Variants in POTEC observed in about 807,000 individuals in gnomAD.
POTEC encodes the protein POTE ankyrin domain family member C, also known as ANKRD26-like family B member 2.
A neutral mutation model predicts 62.0 loss-of-function variants in POTEC; 35 were observed. The observed-to-expected ratio is 0.56, with a 90% CI of 0.43 to 0.75. The LOEUF is 0.75. Ranked by LOEUF, POTEC falls within the 30% of genes least tolerant of loss-of-function variation. The pLI is 0.00. For synonymous variants in POTEC, 156 were observed against 221.5 expected (o/e 0.70, Z 2.62); for missense variants, 472 against 655.9 (o/e 0.72, Z 3.06).
chr18:14,532,727 T>A (rs924862847), intron 5 of POTEC, among the ~76,000 whole-genome samples: 1 of 152,146 alleles, frequency 6.6e-6, no homozygotes, highest in African/African-American at 2.4e-5. Flanking sequence ...AAACTGGACA[T>A]TTCAAGACCC....
chr18:14,529,000 T>C (rs1910510206), intron 6 of POTEC: 1 of 454,364 alleles, frequency 2.2e-6, no homozygotes, highest in Non-Finnish European at 4.4e-6. Context: ...ACACACAATC[T>C]TGTTGCATGT....
intron 9 of POTEC, among the ~76,000 whole-genome samples, chr18:14,514,697 GC>G (rs967489604): frequency 1.6e-5 from 2 of 123,286 alleles, no homozygotes; most frequent in African/African-American, 7.5e-5. Context: ...AAACTGGGAA[GC>G]CCTAAGGCAG....
intron 9 of POTEC, among the ~76,000 whole-genome samples, chr18:14,518,080 A>G (rs1910212710): frequency 6.6e-6 from 1 of 152,240 alleles, no homozygotes. Context: ...AGAATGAACC[A>G]TGTCAAACAT....
rs1905999608 is a variant in POTEC, at chr18:14,542,913, G to A, written c.234C>T (p.Ser78=). The change falls in exon 1 of 11, where the codon AGC becomes AGT. Residue 78 remains serine (S), a synonymous_variant. Coordinates refer to ENST00000358970, the MANE Select transcript of POTEC (RefSeq NM_001137671.2). The part of the protein sequence containing the change: ...CFPCCRGSGT[S]NVGTSGDHDN... The stretch of plus-strand genomic sequence containing the variant: ...CATGGTCTCCAGAAGTGCCCACGTT[G>A]CTCGTGCCGCTCCCCCTGCAGCAGG... 1.6e-6 allele frequency: 2 copies of A among 1,278,346 alleles called. No individual in the cohort carries two copies. Among genetic ancestry groups the A allele is most frequent in the Non-Finnish European group, 2.2e-6 (2 of 928,990 alleles). 79.2% of individuals were successfully genotyped at this position (1,278,346 alleles called of 1,614,324 possible).
intron 9 of POTEC, 22 bp from the exon 10 acceptor site, chr18:14,513,807 A>G: frequency 6.2e-7 from 1 of 1,604,546 alleles, no homozygotes; most frequent in Middle Eastern, 2.3e-4. Context: ...TTTAATTTTC[A>G]TGAAATACTG....
At chr18:14,517,621 A>G (rs1012083040) in intron 9 of POTEC, among the ~76,000 whole-genome samples, 2 of 152,100 alleles carry the variant, frequency 1.3e-5, no homozygotes, top group African/African-American at 2.4e-5. Flanking sequence ...CAGCACTTTG[A>G]AAGGCCGAAG....
rs1160407184 is a variant in POTEC at position 14,507,718 on chromosome 18, G to A, written c.*4180C>T. 6.6e-6 allele frequency: 1 copy of A among 152,150 alleles called. No homozygotes were observed. The highest frequency in any genetic ancestry group is 6.5e-5 in the Admixed American group (1 of 15,290). 9.4% of individuals were successfully genotyped at this position (152,150 alleles called of 1,614,324 possible). On this transcript the variant is annotated 3_prime_UTR_variant, in exon 11 of 11. Transcript: ENST00000358970. Reference sequence around the variant, plus strand: ...TGTGTTTTTGTAGTGGCTGGTGGTGGTCTTTTCTTTCCATATTTAGTGCTT... The same window carrying A: ...TGTGTTTTTGTAGTGGCTGGTGGTGATCTTTTCTTTCCATATTTAGTGCTT...
Position 14,514,468 on chromosome 18 carries a change from T to C in POTEC, c.1410-683A>G, listed in dbSNP as rs563306932. On this transcript the variant is annotated intron_variant, in intron 9 of 10. Coordinates refer to ENST00000358970, the MANE Select transcript of POTEC (RefSeq NM_001137671.2). ...GAAACCCCTGTGTCAACCCAAACTT[T>C]TTATGTTTATTTTTTGGAAACAGTT... 2.0e-5 allele frequency among the ~76,000 whole-genome samples: 3 copies of C among 152,326 alleles called. No individual in the cohort carries two copies. In the South Asian group the frequency reaches 6.2e-4, roughly 32 times the overall value.
chr18:14,520,020 A>G (rs959939105), intron 9 of POTEC, among the ~76,000 whole-genome samples: 1 of 152,182 alleles, frequency 6.6e-6, no homozygotes, highest in African/African-American at 2.4e-5. Context: ...AAAACGTTGG[A>G]GGACTGCTGA....
chr18:14,531,485 C>T (rs913340331), intron 5 of POTEC, among the ~76,000 whole-genome samples: 2 of 152,116 alleles, frequency 1.3e-5, no homozygotes, highest in African/African-American at 4.8e-5. Flanking sequence ...TAATTTTTGA[C>T]ATACATACTT....
At position 14,508,898 on chromosome 18, in the gene POTEC, G is replaced by C. The variant is rs1397315073; in HGVS notation, c.*3000C>G. 2 of 152,244 alleles carry C rather than the reference G, an allele frequency of 1.3e-5. No homozygotes were observed. The highest frequency in any genetic ancestry group is 2.9e-5 in the Non-Finnish European group (2 of 68,050). 9.4% of individuals were successfully genotyped at this position (152,244 alleles called of 1,614,324 possible). ...CTTTGAGGTTGCTGACCTTTGGACA[G>C]GGTATTTTTCCTTTATTATATCTGA... On this transcript the variant is annotated 3_prime_UTR_variant, in exon 11 of 11. Transcript: ENST00000358970.
At chr18:14,525,360 T>C (rs960290689) in intron 6 of POTEC, among the ~76,000 whole-genome samples, 1 of 152,098 alleles carries the variant, frequency 6.6e-6, no homozygotes, top group Non-Finnish European at 1.5e-5. Context: ...ACTTAGCTAC[T>C]CTGACTCTAA....
At chr18:14,539,416 T>C (rs1372204790) in intron 1 of POTEC, among the ~76,000 whole-genome samples, 1 of 143,798 alleles carries the variant, frequency 7.0e-6, no homozygotes, top group Non-Finnish European at 1.5e-5. Context: ...TTCCTGCTTC[T>C]TTCCTTCCTC....
At chr18:14,514,789 T>C (rs1413541521) in intron 9 of POTEC, among the ~76,000 whole-genome samples, 6 of 152,162 alleles carry the variant, frequency 3.9e-5, no homozygotes, top group Admixed American at 3.9e-4. Flanking sequence ...GATATGATCT[T>C]ATGCCTAGAA....
rs1403670378 is a variant in POTEC at position 14,510,514 on chromosome 18, G to A, written c.*1384C>T. 9 of 151,934 alleles carry A rather than the reference G, an allele frequency of 5.9e-5. No homozygotes were observed. The East Asian group carries it at 1.6e-3, about 26-fold the overall frequency. 9.4% of individuals were successfully genotyped at this position (151,934 alleles called of 1,614,324 possible). On this transcript the variant is annotated 3_prime_UTR_variant, in exon 11 of 11. Transcript: ENST00000358970. ...CTGGCCACTTTTCTGTGGGGCTGCC[G>A]TGGTATGCTGGGGGTCCACTCCAGT...
At position 14,522,496 on chromosome 18, in the gene POTEC, A is replaced by G; in HGVS notation, c.1243-76T>C. The G allele has an allele frequency of 3.3e-6, 5 of 1,524,688 alleles. No homozygotes were observed. The South Asian group carries it at 6.5e-5, about 20-fold the overall frequency. The allele number at this position is 1,524,688 out of a possible 1,614,324, so 94.4% of individuals were successfully genotyped here. On this transcript the variant is annotated intron_variant, in intron 8 of 10. Coordinates refer to ENST00000358970, the MANE Select transcript of POTEC (RefSeq NM_001137671.2). ...ATAACCTTTTTAATTGATTTTATCA[A>G]TTGACTCAGTTTGCCATTATTTTAG...
At chr18:14,512,903 G>A (rs1598475660) in intron 10 of POTEC, among the ~76,000 whole-genome samples, 1 of 151,978 alleles carries the variant, frequency 6.6e-6, no homozygotes, top group Non-Finnish European at 1.5e-5. Context: ...AAATACAAAA[G>A]AAGCCTTTTA....
rs1021914552 is a variant in POTEC at position 14,513,518 on chromosome 18, GGT to G, written c.1533+142_1533+143del. ...TAGATATATGACCAAGGATATACAG[GGT>G]GTGTGTTTACATATATACACACACA... is the stretch of plus-strand genomic sequence containing the variant. On this transcript the variant is annotated intron_variant, in intron 10 of 10. Transcript: ENST00000358970. 3.1e-5 allele frequency: 40 copies of G among 1,301,702 alleles called. No homozygotes were observed. In the Admixed American group the frequency reaches 5.1e-4, roughly 17 times the overall value. The allele number at this position is 1,301,702 out of a possible 1,614,324, so 80.6% of individuals were successfully genotyped here. A position where few individuals can be genotyped will look rare whatever the true frequency, so the allele number is the denominator to read the frequency against.
At chr18:14,528,867 C>T in intron 6 of POTEC, 2 of 442,560 alleles carry the variant, frequency 4.5e-6, no homozygotes, top group South Asian at 3.2e-5. Context: ...TGGTGTCTCA[C>T]ACTTTTGGTA....
Sources: allele counts gnomAD v4.1 joint callset (sites outside exome capture counted in the v4.1 genomes callset), GRCh38; gene constraint gnomAD v4.1.1; transcripts MANE v1.5; gene names NCBI Gene and HGNC (gene_info 2026-07-23, HGNC 2026-07-21).